The following MZT2B variants were observed in gnomAD, a reference collection of about 807,000 sequenced individuals.
MZT2B encodes mitotic-spindle organizing protein 2B.
Under a neutral mutation model 12.1 loss-of-function variants are expected in MZT2B, and 11 were observed. The observed-to-expected ratio is 0.91, with a 90% CI of 0.57 to 1.50. The LOEUF is 1.50. MZT2B is among the 40% of genes most tolerant of loss of function. The pLI, the probability that MZT2B is intolerant of heterozygous loss-of-function variation, is 0.00. For synonymous variants in MZT2B, 85 were observed against 109.5 expected (o/e 0.78, Z 1.40); for missense variants, 209 against 227.7 (o/e 0.92, Z 0.53).
chr2:130,196,230 A>C, the MZT2B span: 1 of 1,614,012 alleles, frequency 6.2e-7, no homozygotes, highest in South Asian at 1.1e-5. Context: ...AACGTGTTGA[A>C]GGAGTCGTCC....
intron 2 of MZT2B, chr2:130,183,835 C>T: frequency 6.4e-7 from 1 of 1,550,692 alleles, no homozygotes; most frequent in Non-Finnish European, 8.7e-7. Context: ...GCAAGGCCCT[C>T]CTTTTCCTCC....
chr2:130,194,973 C>T (rs866424776), downstream of MZT2B: 192 of 1,550,808 alleles, frequency 1.2e-4, 1 homozygote, highest in Middle Eastern at 3.1e-3. Context: ...CCACCGCGCC[C>T]GGCCAAGATG....
chr2:130,183,640 C>T (rs1202415252), intron 2 of MZT2B: 3 of 1,334,332 alleles, frequency 2.2e-6, no homozygotes, highest in Middle Eastern at 1.8e-4. Flanking sequence ...CCTGAGAAGG[C>T]GTGGAGAGCA....
At chr2:130,197,623 T>G in the MZT2B span, among the ~76,000 whole-genome samples, 1,259 of 126,400 alleles carry the variant, frequency 1.0e-2, 46 homozygotes, top group African/African-American at 0.032. Flanking sequence ...TTTTGTTTGG[T>G]TTTTTGAGGC....
upstream of MZT2B, chr2:130,182,109 C>T: frequency 7.6e-7 from 1 of 1,323,770 alleles, no homozygotes; most frequent in East Asian, 3.3e-5. Context: ...ACCGTGAGCG[C>T]CCAATAACTG....
chr2:130,186,250 C>CTG (rs1209078736), intron 2 of MZT2B, among the ~76,000 whole-genome samples: 4 of 152,198 alleles, frequency 2.6e-5, no homozygotes, highest in Middle Eastern at 3.4e-3. Context: ...AAGCTTGCCT[C>CTG]TGAGCTGCAG....
downstream of MZT2B, among the ~76,000 whole-genome samples, chr2:130,194,700 C>T (rs571836018): frequency 4.6e-5 from 7 of 152,200 alleles, no homozygotes; most frequent in African/African-American, 1.4e-4. Context: ...TTGTTTGAGA[C>T]GGAATCTTGC....
chr2:130,190,182 G>A lies in MZT2B; in HGVS notation c.320-287G>A, dbSNP rs141724417. On this transcript the variant is annotated intron_variant, in intron 2 of 2. Transcript: ENST00000281871. ...CACCTACCTTTCCCTAAATGGGCCC[G>A]TGGCATGTGTCCTTTCAAAATGTTC... Among the ~76,000 whole-genome samples, 1,004 of 152,274 alleles carry A rather than the reference G, an allele frequency of 6.6e-3. 16 individuals are homozygous for A. Among genetic ancestry groups the A allele is most frequent in the African/African-American group, 0.022 (929 of 41,546 alleles).
At chr2:130,202,341 G>A in the MZT2B span, 1 of 1,290,166 alleles carries the variant, frequency 7.8e-7, no homozygotes, top group Non-Finnish European at 1.0e-6. Flanking sequence ...GTGACAACTT[G>A]AGGACAAGGC....
In MZT2B at chr2:130,182,530, G is replaced by A; in HGVS notation, c.170+78G>A. ...CTTTCCGGGTACGCCCGGCCCGCTG[G>A]TCGGGAGGAGCCCCCGCCCCCGTCC... On this transcript the variant is annotated intron_variant, in intron 1 of 2. Coordinates refer to ENST00000281871, the MANE Select transcript of MZT2B (RefSeq NM_025029.5). The A allele has an allele frequency of 2.6e-6, 4 of 1,549,492 alleles. No homozygotes were observed. The South Asian group carries it at 4.7e-5, about 18-fold the overall frequency.
At chr2:130,187,146 TTTAGA>T (rs1274513951) in intron 2 of MZT2B, among the ~76,000 whole-genome samples, 2 of 122,864 alleles carry the variant, frequency 1.6e-5, no homozygotes, top group Non-Finnish European at 3.6e-5. Context: ...CGTTGGATAT[TTTAGA>T]TTAAAGTATT....
At chr2:130,182,139 C>A (rs1218476451), upstream of MZT2B, 12 of 1,254,202 alleles carry the variant, frequency 9.6e-6, no homozygotes, top group Admixed American at 1.2e-4. Flanking sequence ...AATGACGCCG[C>A]GGAGGCGGCC....
Position 130,182,433 on chromosome 2 carries a change from A to C in MZT2B, c.151A>C (p.Ile51Leu), listed in dbSNP as rs1265196796. ...YELAQAAGGA[I>L]DPDVFKILVD... is the part of the protein sequence containing the mutation. ...GCTGGCGCAGGCGGCGGGCGGCGCT[A>C]TCGACCCCGACGTGTTCAAGTGAGC... The change falls in exon 1 of 3, where the codon ATC becomes CTC. Residue 51 changes from isoleucine (I) to leucine (L), a missense_variant. Physicochemically the swap from Ile to Leu is conservative, Grantham distance 5 (BLOSUM62 2). Coordinates refer to ENST00000281871, the MANE Select transcript of MZT2B (RefSeq NM_025029.5). 1 of 1,561,600 alleles carries C rather than the reference A, an allele frequency of 6.4e-7. No individual in the cohort carries two copies. The highest frequency in any genetic ancestry group is 1.2e-5 in the South Asian group (1 of 85,146).
the MZT2B span, chr2:130,204,428 C>T: frequency 4.8e-5 from 19 of 399,956 alleles, no homozygotes; most frequent in African/African-American, 8.6e-5. Flanking sequence ...TGGTGGCTCA[C>T]GCCTGTAATC....
intron 2 of MZT2B, 141 bp from the exon 3 acceptor site, chr2:130,190,327 TG>T: frequency 7.6e-7 from 1 of 1,309,010 alleles, no homozygotes; most frequent in Non-Finnish European, 1.0e-6. Context: ...TCTCAGGACT[TG>T]GGGCTGATGC....
chr2:130,182,104 G>A, upstream of MZT2B: 1 of 1,339,898 alleles, frequency 7.5e-7, no homozygotes, highest in East Asian at 3.2e-5. Flanking sequence ...AGCACACCGT[G>A]AGCGCCCAAT....
chr2:130,194,186 A>C, downstream of MZT2B: 1 of 1,613,320 alleles, frequency 6.2e-7, no homozygotes, highest in Non-Finnish European at 8.5e-7. Context: ...GGGACGTTCA[A>C]TGTCCAGGTT....
the MZT2B span, among the ~76,000 whole-genome samples, chr2:130,201,932 C>G: frequency 2.9e-4 from 44 of 152,184 alleles, no homozygotes; most frequent in African/African-American, 6.0e-4. Context: ...TGGGACCACT[C>G]TTATATATAT....
downstream of MZT2B, among the ~76,000 whole-genome samples, chr2:130,193,430 G>A (rs1258462065): frequency 2.7e-5 from 4 of 150,442 alleles, no homozygotes; most frequent in African/African-American, 7.4e-5. Flanking sequence ...CCAACATGGC[G>A]AAACCCCGTC....
Sources: allele counts gnomAD v4.1 joint callset (sites outside exome capture counted in the v4.1 genomes callset), GRCh38; gene constraint gnomAD v4.1.1; transcripts MANE v1.5; gene names NCBI Gene and HGNC (gene_info 2026-07-23, HGNC 2026-07-21).